TRDN: variants seen among roughly 807,000 people sequenced by gnomAD.
The protein encoded by TRDN is triadin.
A neutral mutation model predicts 149.7 loss-of-function variants in TRDN; 161 were observed. The observed-to-expected ratio is 1.08, with a 90% CI of 0.95 to 1.23. The LOEUF is 1.23. Ranked by LOEUF, TRDN falls within the 50% of genes most tolerant of loss-of-function variation. The probability of loss-of-function intolerance (pLI) is 0.00; values close to 1 mark genes in which losing one functional copy is unlikely to be tolerated. For missense variants in TRDN, 896 were observed against 823.5 expected, an observed-to-expected ratio of 1.09 and a Z score of -1.08; for synonymous variants, 294 against 250.5, an observed-to-expected ratio of 1.17 and a Z score of -1.64.
intron 23 of TRDN, among the ~76,000 whole-genome samples, chr6:123,317,684 G>A (rs1779077301): frequency 6.6e-6 from 1 of 151,738 alleles, no homozygotes; most frequent in East Asian, 1.9e-4. Context: ...TTTTGTTATT[G>A]TCTGTAATCA....
rs767959666 is a variant in TRDN at position 123,512,303 on chromosome 6, CT to C, written c.609del (p.Glu204AsnfsTer19). The part of the protein sequence containing the change: ...KEKPETKTLA[K>X]EQKKAKTAEK... ...TGGAAATAATAAATTGAAAAGTTAC[CT>C]TTCGCCAGTGTCTTTGTTTCTGGTT... On this transcript the variant is annotated frameshift_variant and splice_region_variant, in exon 7 of 41. Transcript: ENST00000334268. LOFTEE classifies it high-confidence loss of function. 5 of 1,456,940 alleles carry C rather than the reference CT, an allele frequency of 3.4e-6. No homozygotes were observed. Among genetic ancestry groups the C allele is most frequent in the Admixed American group, 1.9e-5 (1 of 51,856 alleles). The allele number at this position is 1,456,940 out of a possible 1,614,324, so 90.3% of individuals were successfully genotyped here.
At chr6:123,592,772 G>A (rs1325779806) in intron 1 of TRDN, among the ~76,000 whole-genome samples, 1 of 152,144 alleles carries the variant, frequency 6.6e-6, no homozygotes, top group East Asian at 1.9e-4. Flanking sequence ...TAGAGCTCAT[G>A]TTTTTGGAAC....
rs566015171 is a variant in TRDN, at chr6:123,503,056, T to C, written c.793+663A>G. ...ATATGCCACCTCCATTGAAGTGATATATTTTTGCAAAGTGGGGATGTAAGT... is the reference window on the plus strand; with the variant it reads ...ATATGCCACCTCCATTGAAGTGATACATTTTTGCAAAGTGGGGATGTAAGT... On this transcript the variant is annotated intron_variant, in intron 8 of 40. Transcript: ENST00000334268. 23 of 985,344 alleles carry C rather than the reference T, an allele frequency of 2.3e-5. No individual in the cohort carries two copies. The South Asian group carries it at 1.1e-3, about 46-fold the overall frequency. 61.0% of individuals were successfully genotyped at this position (985,344 alleles called of 1,614,324 possible). A position where few individuals can be genotyped will look rare whatever the true frequency, so the allele number is the denominator to read the frequency against.
chr6:123,301,280 A>C (rs1263883734), intron 24 of TRDN, among the ~76,000 whole-genome samples: 4 of 152,048 alleles, frequency 2.6e-5, no homozygotes, highest in Non-Finnish European at 4.4e-5. Context: ...TGACAAGAGG[A>C]ATATACACTG....
intron 9 of TRDN, among the ~76,000 whole-genome samples, chr6:123,481,616 A>G (rs761443741): frequency 6.6e-5 from 10 of 152,102 alleles, no homozygotes; most frequent in Non-Finnish European, 8.8e-5. Flanking sequence ...AAGATGATCC[A>G]TACCTAGAAC....
At chr6:123,570,342 T>C (rs1034925725) in intron 2 of TRDN, among the ~76,000 whole-genome samples, 1 of 152,232 alleles carries the variant, frequency 6.6e-6, no homozygotes, top group East Asian at 1.9e-4. Context: ...ATAAATACAG[T>C]TTAAAATATG....
At chr6:123,521,440 C>T (rs78437646) in intron 5 of TRDN, among the ~76,000 whole-genome samples, 163 of 152,050 alleles carry the variant, frequency 1.1e-3, no homozygotes, top group African/African-American at 3.9e-3. Context: ...GGGAGAGCAT[C>T]ATTTGAAGAT....
intron 5 of TRDN, among the ~76,000 whole-genome samples, chr6:123,516,872 T>C (rs781271514): frequency 7.2e-5 from 11 of 152,136 alleles, no homozygotes; most frequent in Non-Finnish European, 2.9e-5. Context: ...GTCTTTCTCT[T>C]ATATTTTTCC....
intron 5 of TRDN, among the ~76,000 whole-genome samples, chr6:123,521,775 T>G (rs1779694675): frequency 6.6e-6 from 1 of 152,120 alleles, no homozygotes; most frequent in Admixed American, 6.6e-5. Context: ...CTAATTCCTC[T>G]GAGGTCCTTC....
At chr6:123,287,456 T>C (rs1019903719) in intron 24 of TRDN, among the ~76,000 whole-genome samples, 14 of 152,158 alleles carry the variant, frequency 9.2e-5, no homozygotes, top group African/African-American at 3.1e-4. Flanking sequence ...CTGATGCATG[T>C]TGAAATTTGA....
intron 24 of TRDN, among the ~76,000 whole-genome samples, chr6:123,284,005 T>TATATATATATATATATATATATATATATA: frequency 8.1e-6 from 1 of 122,772 alleles, no homozygotes; most frequent in Admixed American, 8.3e-5. Context: ...TATATATATG[T>TATATATATATATATATATATATATATATA]AACAAACCTG....
chr6:123,538,074 A>G (rs1432537474), intron 4 of TRDN, among the ~76,000 whole-genome samples: 1 of 152,196 alleles, frequency 6.6e-6, no homozygotes, highest in Non-Finnish European at 1.5e-5. Flanking sequence ...TCATCAAGGC[A>G]ATCATCCTGA....
intron 6 of TRDN, among the ~76,000 whole-genome samples, chr6:123,513,798 A>G (rs1779288324): frequency 6.6e-6 from 1 of 152,088 alleles, no homozygotes; most frequent in Non-Finnish European, 1.5e-5. Flanking sequence ...TGGTATTTTC[A>G]AGTGTAAATA....
chr6:123,566,853 T>A lies in TRDN; in HGVS notation c.232+4070A>T, dbSNP rs150633291. Among the ~76,000 whole-genome samples the A allele has an allele frequency of 8.9e-3, 1,357 of 152,344 alleles. 25 individuals are homozygous for A. Among genetic ancestry groups the A allele is most frequent in the African/African-American group, 0.031 (1,292 of 41,580 alleles). ...TCTTTCATTTTTATAATACACATAT[T>A]TCAAGAATTGCATATAAATCAAATA... On this transcript the variant is annotated intron_variant, in intron 2 of 40. Coordinates refer to ENST00000334268, the MANE Select transcript of TRDN (RefSeq NM_006073.4).
At chr6:123,455,585 G>A (rs1776070121) in intron 10 of TRDN, among the ~76,000 whole-genome samples, 1 of 152,138 alleles carries the variant, frequency 6.6e-6, no homozygotes, top group Non-Finnish European at 1.5e-5. Flanking sequence ...ACTCAGAGGA[G>A]AAGCTCAATT....
intron 23 of TRDN, among the ~76,000 whole-genome samples, chr6:123,331,009 C>A (rs1425103120): frequency 6.6e-6 from 1 of 152,024 alleles, no homozygotes; most frequent in Non-Finnish European, 1.5e-5. Flanking sequence ...ACAGGCTCTT[C>A]TTCTAACATT....
chr6:123,262,829 C>T (rs1776819090), intron 33 of TRDN, among the ~76,000 whole-genome samples: 1 of 152,052 alleles, frequency 6.6e-6, no homozygotes, highest in Admixed American at 6.6e-5. Context: ...GTGTTCCACA[C>T]ACCACACCCA....
At chr6:123,529,290 A>C (rs765927885) in intron 5 of TRDN, 97 of 1,548,878 alleles carry the variant, frequency 6.3e-5, no homozygotes, top group Non-Finnish European at 7.4e-5. Context: ...GCTGTGTCCA[A>C]CTTCTGTGAT....
chr6:123,418,142 G>T (rs891374072), intron 12 of TRDN, among the ~76,000 whole-genome samples: 9 of 152,250 alleles, frequency 5.9e-5, no homozygotes, highest in African/African-American at 1.9e-4. Context: ...TGTCATAATA[G>T]GTAGGGTAAG....
Sources: allele counts gnomAD v4.1 joint callset (sites outside exome capture counted in the v4.1 genomes callset), GRCh38; gene constraint gnomAD v4.1.1; transcripts MANE v1.5; gene names NCBI Gene and HGNC (gene_info 2026-07-23, HGNC 2026-07-21).